Variants in NLGN1 observed in about 807,000 individuals in gnomAD.
NLGN1 encodes the protein neuroligin 1, also known as neuroligin-1.
Under a neutral mutation model 65.5 loss-of-function variants are expected in NLGN1, and 12 were observed. The observed-to-expected ratio is 0.18, with a 90% CI of 0.12 to 0.30. NLGN1 has a LOEUF of 0.30. Ranked by LOEUF, NLGN1 falls within the 10% of genes least tolerant of loss-of-function variation. The probability of loss-of-function intolerance (pLI) is 1.00; values close to 1 mark genes in which losing one functional copy is unlikely to be tolerated. For synonymous variants in NLGN1, 350 were observed against 359.5 expected, an observed-to-expected ratio of 0.97 and a Z score of 0.30; for missense variants, 750 against 1,007.1, an observed-to-expected ratio of 0.74 and a Z score of 3.46.
intron 4 of NLGN1, among the ~76,000 whole-genome samples, chr3:174,163,405 T>G (rs1211405343): frequency 6.6e-6 from 1 of 152,050 alleles, no homozygotes; most frequent in Non-Finnish European, 1.5e-5. Context: ...AAGGATTTTT[T>G]TAGTTGTTAA....
intron 4 of NLGN1, among the ~76,000 whole-genome samples, chr3:173,888,698 A>G (rs372632052): frequency 1.3e-5 from 2 of 152,168 alleles, no homozygotes; most frequent in Non-Finnish European, 2.9e-5. Flanking sequence ...CAAAACTTCT[A>G]TATAAACCAG....
intron 4 of NLGN1, chr3:174,136,382 A>G (rs940524833): frequency 2.0e-4 from 30 of 152,172 alleles, no homozygotes; most frequent in Non-Finnish European, 3.7e-4. Context: ...CTTCAGTATT[A>G]TTAAATTGGG....
At chr3:173,585,569 G>A (rs757863847) in intron 2 of NLGN1, among the ~76,000 whole-genome samples, 31 of 152,144 alleles carry the variant, frequency 2.0e-4, no homozygotes, top group Admixed American at 1.0e-3. Flanking sequence ...GATAGAGACA[G>A]TAGAAGTGGG....
chr3:174,064,919 A>G (rs1738195417), intron 4 of NLGN1, among the ~76,000 whole-genome samples: 1 of 151,146 alleles, frequency 6.6e-6, no homozygotes, highest in African/African-American at 2.4e-5. Flanking sequence ...TAAGTACTAT[A>G]TAAATGTTAG....
At chr3:174,269,493 T>C (rs922548956) in intron 4 of NLGN1, among the ~76,000 whole-genome samples, 2 of 152,028 alleles carry the variant, frequency 1.3e-5, no homozygotes, top group African/African-American at 4.8e-5. Flanking sequence ...GGCTCATCCA[T>C]GTTGTAGCAT....
At chr3:173,560,536 T>TA (rs1243388135) in intron 2 of NLGN1, among the ~76,000 whole-genome samples, 6 of 148,632 alleles carry the variant, frequency 4.0e-5, no homozygotes, top group Non-Finnish European at 7.5e-5. Context: ...TTTTTTTTTT[T>TA]ATTATTCTAG....
intron 4 of NLGN1, among the ~76,000 whole-genome samples, chr3:174,260,009 A>T (rs1577649556): frequency 1.3e-5 from 2 of 152,072 alleles, no homozygotes; most frequent in Admixed American, 6.6e-5. Flanking sequence ...ACAAAGGACA[A>T]GAACTCATCA....
chr3:173,427,021 T>C (rs996149477), intron 1 of NLGN1, among the ~76,000 whole-genome samples: 1 of 151,976 alleles, frequency 6.6e-6, no homozygotes, highest in Non-Finnish European at 1.5e-5. Context: ...GGCTGTCCAG[T>C]TTTTCTATTT....
chr3:173,545,321 A>G (rs1464396008), intron 2 of NLGN1, among the ~76,000 whole-genome samples: 2 of 152,026 alleles, frequency 1.3e-5, no homozygotes, highest in Admixed American at 6.6e-5. Flanking sequence ...TGATCCACCC[A>G]CCTAGACCTC....
At chr3:173,646,962 A>G (rs565809334) in intron 3 of NLGN1, among the ~76,000 whole-genome samples, 2 of 152,294 alleles carry the variant, frequency 1.3e-5, no homozygotes, top group South Asian at 4.1e-4. Context: ...ATTTTAATAT[A>G]AAAACACAGG....
At chr3:173,802,826 A>G (rs1156865559) in intron 3 of NLGN1, among the ~76,000 whole-genome samples, 1 of 151,772 alleles carries the variant, frequency 6.6e-6, no homozygotes, top group Non-Finnish European at 1.5e-5. Context: ...ACAAAAAGAT[A>G]TACAAAAGAA....
At chr3:173,574,522 C>T (rs1745202970) in intron 2 of NLGN1, among the ~76,000 whole-genome samples, 1 of 151,680 alleles carries the variant, frequency 6.6e-6, no homozygotes, top group Non-Finnish European at 1.5e-5. Flanking sequence ...ATACTAATTC[C>T]AAAACAGTTG....
intron 4 of NLGN1, among the ~76,000 whole-genome samples, chr3:173,842,613 A>G (rs1044808120): frequency 6.6e-6 from 1 of 152,232 alleles, no homozygotes; most frequent in African/African-American, 2.4e-5. Flanking sequence ...AACATGGCAG[A>G]CAAATCTTAA....
At chr3:174,003,354 T>C (rs1723687516) in intron 4 of NLGN1, among the ~76,000 whole-genome samples, 1 of 152,162 alleles carries the variant, frequency 6.6e-6, no homozygotes, top group African/African-American at 2.4e-5. Context: ...TCCTTGTCAG[T>C]TAATGAGTGG....
In NLGN1 at chr3:173,997,449, G is replaced by A. The variant is rs555166771; in HGVS notation, c.646+189617G>A. Among the ~76,000 whole-genome samples, 29 of 152,208 alleles carry A rather than the reference G, an allele frequency of 1.9e-4. 1 individual carries two copies. The South Asian group carries it at 5.8e-3, about 30-fold the overall frequency. On this transcript the variant is annotated intron_variant, in intron 4 of 6. Transcript: ENST00000457714. ...GGAACATCCAGAATCATTTTTTAAGGTGACTTTTAAAATACGTTTACAGAA... is the reference window on the plus strand; with the variant it reads ...GGAACATCCAGAATCATTTTTTAAGATGACTTTTAAAATACGTTTACAGAA...
At chr3:173,470,960 G>A (rs1390321213) in intron 2 of NLGN1, among the ~76,000 whole-genome samples, 1 of 152,032 alleles carries the variant, frequency 6.6e-6, no homozygotes, top group Non-Finnish European at 1.5e-5. Flanking sequence ...AAAGAAAGGT[G>A]GAATCTGCAC....
chr3:174,200,483 G>C (rs1734231707), intron 4 of NLGN1, among the ~76,000 whole-genome samples: 1 of 152,146 alleles, frequency 6.6e-6, no homozygotes, highest in Non-Finnish European at 1.5e-5. Context: ...CTTTTTAAAT[G>C]CTTTGAGAGG....
At chr3:173,598,856 C>T (rs560920833) in intron 2 of NLGN1, among the ~76,000 whole-genome samples, 1 of 152,316 alleles carries the variant, frequency 6.6e-6, no homozygotes, top group East Asian at 1.9e-4. Flanking sequence ...ACTCCTCCCT[C>T]TGCCCATTTT....
intron 1 of NLGN1, among the ~76,000 whole-genome samples, chr3:173,401,970 T>C (rs909193552): frequency 1.3e-5 from 2 of 152,218 alleles, no homozygotes; most frequent in African/African-American, 4.8e-5. Context: ...CATTTTTCTC[T>C]GCAGACGACA....
Sources: gnomAD v4.1 joint callset for allele counts (sites outside exome capture counted in the v4.1 genomes callset) on GRCh38, gnomAD v4.1.1 for gene constraint, MANE v1.5 for transcripts, NCBI Gene and HGNC (gene_info 2026-07-23, HGNC 2026-07-21) for gene names.